Variants in CDH19 observed in about 807,000 individuals in gnomAD.
The protein encoded by CDH19 is cadherin 19, also known as cadherin-19.
Under a neutral mutation model 64.2 loss-of-function variants are expected in CDH19, and 67 were observed. That is an observed-to-expected ratio of 1.04 (90% CI 0.86 to 1.28). The LOEUF (loss-of-function observed/expected upper bound fraction) is 1.28, where lower values mean the gene tolerates loss of function less well. Ranked by LOEUF, CDH19 falls within the 50% of genes most tolerant of loss-of-function variation. CDH19 has a pLI of 0.00. For synonymous variants in CDH19, 346 were observed against 319.3 expected (o/e 1.08, Z -0.89); for missense variants, 1,030 against 929.0 (o/e 1.11, Z -1.41).
intron 4 of CDH19, among the ~76,000 whole-genome samples, chr18:66,552,034 C>A (rs1987362457): frequency 6.6e-6 from 1 of 151,620 alleles, no homozygotes; most frequent in South Asian, 2.1e-4. Context: ...AAGATGGAAA[C>A]AATAGACACT....
At chr18:66,560,900 A>G (rs1394143186) in intron 3 of CDH19, among the ~76,000 whole-genome samples, 1 of 152,106 alleles carries the variant, frequency 6.6e-6, no homozygotes, top group African/African-American at 2.4e-5. Context: ...TAAATTCTAC[A>G]TTTTATACTG....
At chr18:66,568,156 A>C (rs1987975596) in intron 3 of CDH19, among the ~76,000 whole-genome samples, 1 of 151,848 alleles carries the variant, frequency 6.6e-6, no homozygotes, top group South Asian at 2.1e-4. Context: ...AGGTCTAAAA[A>C]CTTACGAATT....
chr18:66,526,354 C>A (rs1232635880), intron 9 of CDH19, among the ~76,000 whole-genome samples: 1 of 152,056 alleles, frequency 6.6e-6, no homozygotes, highest in Non-Finnish European at 1.5e-5. Context: ...AAACTCTATG[C>A]CATTGCACCC....
chr18:66,583,188 G>C (rs562676357), intron 1 of CDH19, among the ~76,000 whole-genome samples: 1 of 151,928 alleles, frequency 6.6e-6, no homozygotes, highest in South Asian at 2.1e-4. Context: ...GGTGCTCTCA[G>C]TGTTATACAA....
chr18:66,551,474 C>T (rs534936514), intron 4 of CDH19, among the ~76,000 whole-genome samples: 74 of 151,960 alleles, frequency 4.9e-4, no homozygotes, highest in South Asian at 1.2e-3. Flanking sequence ...CACTGGTAGG[C>T]CCTTAATAAA....
At chr18:66,555,008 C>T (rs1987466908) in intron 3 of CDH19, among the ~76,000 whole-genome samples, 1 of 151,722 alleles carries the variant, frequency 6.6e-6, no homozygotes, top group Non-Finnish European at 1.5e-5. Flanking sequence ...TAAGGATGGG[C>T]ATAATTATTC....
intron 9 of CDH19, among the ~76,000 whole-genome samples, chr18:66,517,048 G>T (rs1306709900): frequency 6.6e-6 from 1 of 152,002 alleles, no homozygotes; most frequent in Admixed American, 6.6e-5. Context: ...AGCAAATTTG[G>T]TGTAACCATG....
intron 7 of CDH19, 58 bp from the exon 8 acceptor site, chr18:66,535,165 G>T: frequency 9.4e-7 from 1 of 1,063,336 alleles, no homozygotes; most frequent in African/African-American, 1.6e-5. Flanking sequence ...AACAGTGTTA[G>T]ATAATACTCT....
intron 8 of CDH19, among the ~76,000 whole-genome samples, chr18:66,532,993 T>G (rs1397755764): frequency 6.6e-6 from 1 of 152,082 alleles, no homozygotes; most frequent in Non-Finnish European, 1.5e-5. Context: ...GAGATTTCTT[T>G]CCATTTTGGC....
Position 66,504,798 on chromosome 18 carries a change from G to C in CDH19, c.*14C>G, listed in dbSNP as rs368210212. On this transcript the variant is annotated 3_prime_UTR_variant, in exon 12 of 12. Coordinates refer to ENST00000262150, the MANE Select transcript of CDH19 (RefSeq NM_021153.4). ...ACACATTAGCACTTTTAAAAATTTT[G>C]ATGGTAAAAAGCCCTAATTATTTGA... is the stretch of plus-strand genomic sequence containing the variant. 73 of 1,576,430 alleles carry C rather than the reference G, an allele frequency of 4.6e-5. No homozygotes were observed. The highest frequency in any genetic ancestry group is 5.9e-5 in the Non-Finnish European group (68 of 1,157,900).
intron 1 of CDH19, among the ~76,000 whole-genome samples, chr18:66,588,463 A>C (rs1988639807): frequency 4.0e-5 from 6 of 151,816 alleles, no homozygotes; most frequent in Admixed American, 3.9e-4. Context: ...TTGTGTTTGA[A>C]CTTCATAGTG....
chr18:66,530,138 G>GA (rs903758020), intron 8 of CDH19, among the ~76,000 whole-genome samples, 172 bp from the exon 9 acceptor site: 2 of 151,890 alleles, frequency 1.3e-5, no homozygotes, highest in Middle Eastern at 3.2e-3. Flanking sequence ...ATAGATCCTA[G>GA]AAAAAAATTC....
intron 7 of CDH19, among the ~76,000 whole-genome samples, chr18:66,541,347 A>AT (rs148108548): frequency 0.17 from 25,922 of 152,014 alleles, 2,403 homozygotes; most frequent in South Asian, 0.25. Flanking sequence ...ATATCCTAAT[A>AT]TTTTTTCTGG....
chr18:66,580,556 CT>C (rs1988393691), intron 1 of CDH19, among the ~76,000 whole-genome samples: 1 of 151,978 alleles, frequency 6.6e-6, no homozygotes. Flanking sequence ...AAAGTTGAAA[CT>C]TAGAAGTTTC....
At chr18:66,536,720 C>T (rs1336165718) in intron 7 of CDH19, among the ~76,000 whole-genome samples, 2 of 151,722 alleles carry the variant, frequency 1.3e-5, no homozygotes, top group Middle Eastern at 3.2e-3. Flanking sequence ...TTTTTCTTAA[C>T]CCCTTTTAGA....
chr18:66,551,773 T>C (rs529710785), intron 4 of CDH19, among the ~76,000 whole-genome samples: 4 of 152,126 alleles, frequency 2.6e-5, no homozygotes, highest in African/African-American at 7.2e-5. Context: ...ATATATAATA[T>C]ATTCAAACTC....
At chr18:66,579,594 T>G (rs1369671408) in intron 1 of CDH19, among the ~76,000 whole-genome samples, 1 of 152,040 alleles carries the variant, frequency 6.6e-6, no homozygotes, top group Admixed American at 6.6e-5. Context: ...TGATCTAGTT[T>G]ATTTGACATG....
At chr18:66,599,323 C>T (rs1988983443) in intron 1 of CDH19, among the ~76,000 whole-genome samples, 1 of 151,850 alleles carries the variant, frequency 6.6e-6, no homozygotes, top group African/African-American at 2.4e-5. Context: ...AGAAATATCA[C>T]ATTTTGTCAT....
At chr18:66,521,930 G>C (rs1340066892) in intron 9 of CDH19, among the ~76,000 whole-genome samples, 7 of 148,830 alleles carry the variant, frequency 4.7e-5, no homozygotes, top group Middle Eastern at 3.4e-3. Context: ...TGTTGTTGTT[G>C]TTGTTGTTGT....
Sources: gnomAD v4.1 joint callset for allele counts (sites outside exome capture counted in the v4.1 genomes callset) on GRCh38, gnomAD v4.1.1 for gene constraint, MANE v1.5 for transcripts, NCBI Gene and HGNC (gene_info 2026-07-23, HGNC 2026-07-21) for gene names.